The following FAM227B variants were observed in gnomAD, a reference collection of about 807,000 sequenced individuals.
FAM227B encodes the protein family with sequence similarity 227 member B.
In FAM227B, 88 loss-of-function variants were observed where a neutral mutation model predicts 73.8. That is an observed-to-expected ratio of 1.19 (90% CI 1.00 to 1.42). FAM227B has a LOEUF of 1.42. Ranked by LOEUF, FAM227B falls within the 40% of genes most tolerant of loss-of-function variation. The pLI, the probability that FAM227B is intolerant of heterozygous loss-of-function variation, is 0.00. For synonymous variants in FAM227B, 210 were observed against 190.5 expected (o/e 1.10, Z -0.84); for missense variants, 632 against 590.9 (o/e 1.07, Z -0.72).
Position 49,328,130 on chromosome 15 carries a change from G to A in FAM227B, c.*438C>T. On this transcript the variant is annotated 3_prime_UTR_variant, in exon 16 of 16. Transcript: ENST00000299338. Reference sequence around the variant, plus strand: ...AAGTTTGTTTGCTACCAAACCTGGAGGTGGGGCTTTGGTTTTGCTTGAGGC... The same window carrying A: ...AAGTTTGTTTGCTACCAAACCTGGAAGTGGGGCTTTGGTTTTGCTTGAGGC... 1.2e-6 allele frequency: 2 copies of A among 1,614,070 alleles called. No individual in the cohort carries two copies. The highest frequency in any genetic ancestry group is 1.7e-6 in the Non-Finnish European group (2 of 1,179,972).
rs1356031264 is a variant in FAM227B, at chr15:49,575,008, T to C, written c.645+3A>G. On this transcript the variant is annotated splice_donor_region_variant and intron_variant, in intron 8 of 15. Coordinates refer to ENST00000299338, the MANE Select transcript of FAM227B (RefSeq NM_152647.3). ...AAAAATAAATTTTTAAAAATCACTA[T>C]ACCCTAAATTTATGGAGAAACCACC... is the stretch of plus-strand genomic sequence containing the variant. 1 of 1,532,010 alleles carries C rather than the reference T, an allele frequency of 6.5e-7. No homozygotes were observed. Among genetic ancestry groups the C allele is most frequent in the Admixed American group, 1.9e-5 (1 of 51,932 alleles). The allele number at this position is 1,532,010 out of a possible 1,614,324, so 94.9% of individuals were successfully genotyped here.
At chr15:49,469,760 C>T (rs2054571147) in intron 11 of FAM227B, among the ~76,000 whole-genome samples, 1 of 151,990 alleles carries the variant, frequency 6.6e-6, no homozygotes, top group Non-Finnish European at 1.5e-5. Flanking sequence ...CTAAGTTATG[C>T]CTTTAAAAGT....
At chr15:49,606,084 C>G (rs2221608) in intron 3 of FAM227B, 1 of 152,266 alleles carries the variant, frequency 6.6e-6, no homozygotes, top group African/African-American at 2.4e-5. Flanking sequence ...TTCCTAACCT[C>G]TTCAAGGTAT....
rs149665358 is a variant in FAM227B, at chr15:49,589,935, C to G, written c.178G>C (p.Asp60His). ...GTATAAATTGAAACAAATGAACTAT[C>G]TTCTTTTATTTTTTTCAGAGTGCAT... ...WSCTLKKIKEDSSFVSIYTHL... is the reference protein window; with the variant it reads ...WSCTLKKIKEHSSFVSIYTHL... Residue 60 changes from aspartate to histidine, a missense_variant, in exon 4 of 16, where the codon GAT (aspartate) becomes CAT (histidine). By Grantham distance (81) the Asp-to-His change is moderately conservative. Transcript: ENST00000299338. The G allele has an allele frequency of 1.7e-5, 28 of 1,606,478 alleles. No homozygotes were observed. The highest frequency in any genetic ancestry group is 3.3e-4 in the Middle Eastern group (2 of 6,052).
At chr15:49,422,405 T>G (rs1166336525) in intron 11 of FAM227B, 1 of 500,592 alleles carries the variant, frequency 2.0e-6, no homozygotes, top group East Asian at 4.9e-5. Flanking sequence ...TATAATTCCA[T>G]CTCTAAATTA....
At position 49,335,413 on chromosome 15, in the gene FAM227B, A is replaced by G. The variant is rs769228649; in HGVS notation, c.1349+6T>C. On this transcript the variant is annotated splice_donor_region_variant and intron_variant, in intron 14 of 15. Coordinates refer to ENST00000299338, the MANE Select transcript of FAM227B (RefSeq NM_152647.3). The stretch of plus-strand genomic sequence containing the variant: ...TATATTTAACAATAGTATAGCATCA[A>G]CTTACATCCTAAAATCCTTTTGGTT... 4.4e-6 allele frequency: 7 copies of G among 1,581,634 alleles called. No individual in the cohort carries two copies. The highest frequency in any genetic ancestry group is 1.7e-5 in the Admixed American group (1 of 59,976).
chr15:49,599,824 A>G (rs1280629142), intron 3 of FAM227B, among the ~76,000 whole-genome samples: 2 of 152,200 alleles, frequency 1.3e-5, no homozygotes, highest in African/African-American at 4.8e-5. Context: ...TTTGTGGCCC[A>G]ATATATAATC....
chr15:49,603,747 G>C (rs2077347188), intron 3 of FAM227B, among the ~76,000 whole-genome samples: 1 of 152,152 alleles, frequency 6.6e-6, no homozygotes, highest in Non-Finnish European at 1.5e-5. Flanking sequence ...TTACAGGAAA[G>C]GCATTCAGCT....
At chr15:49,539,424 G>A (rs573316501) in intron 10 of FAM227B, among the ~76,000 whole-genome samples, 4 of 152,332 alleles carry the variant, frequency 2.6e-5, no homozygotes, top group African/African-American at 9.6e-5. Context: ...AGTGTCTGAT[G>A]TTCAGTGCCC....
chr15:49,363,671 G>A (rs1366191480), intron 13 of FAM227B, among the ~76,000 whole-genome samples: 2 of 152,172 alleles, frequency 1.3e-5, no homozygotes. Flanking sequence ...TTGAATAGGA[G>A]TGTTGAGAGT....
intron 10 of FAM227B, among the ~76,000 whole-genome samples, chr15:49,522,666 AC>A (rs2059872728): frequency 6.6e-6 from 1 of 152,098 alleles, no homozygotes; most frequent in East Asian, 1.9e-4. Flanking sequence ...AATAGACTAG[AC>A]CAAGTAGAAG....
At chr15:49,404,821 G>A (rs1009228775) in intron 11 of FAM227B, among the ~76,000 whole-genome samples, 10 of 151,606 alleles carry the variant, frequency 6.6e-5, no homozygotes, top group African/African-American at 1.5e-4. Flanking sequence ...TAGCTGGTTC[G>A]TATGGGCGCT....
chr15:49,429,462 C>T (rs765870193), intron 11 of FAM227B, among the ~76,000 whole-genome samples: 5 of 151,946 alleles, frequency 3.3e-5, no homozygotes, highest in Non-Finnish European at 7.4e-5. Context: ...CATCTCTTTT[C>T]TCTTTTGTAA....
At chr15:49,525,707 T>TACATAC (rs1567487423) in intron 10 of FAM227B, among the ~76,000 whole-genome samples, 3 of 82,480 alleles carry the variant, frequency 3.6e-5, no homozygotes, top group African/African-American at 1.2e-4. Context: ...TATATATATA[T>TACATAC]ATATATATAT....
intron 11 of FAM227B, among the ~76,000 whole-genome samples, chr15:49,442,245 A>C (rs528115004): frequency 3.3e-5 from 5 of 151,682 alleles, no homozygotes; most frequent in Non-Finnish European, 7.4e-5. Context: ...CCTAGACTAT[A>C]AACATCCATA....
chr15:49,329,793 A>T, intron 15 of FAM227B: 1 of 927,282 alleles, frequency 1.1e-6, no homozygotes, highest in East Asian at 1.2e-4. Context: ...CTTTAAAGAT[A>T]CCTGGATCAG....
intron 11 of FAM227B, among the ~76,000 whole-genome samples, chr15:49,451,587 T>C (rs2052747407): frequency 6.6e-6 from 1 of 152,102 alleles, no homozygotes; most frequent in South Asian, 2.1e-4. Context: ...CCTCTTCAAT[T>C]CACCTTTAAA....
intron 10 of FAM227B, among the ~76,000 whole-genome samples, chr15:49,528,997 C>T (rs2060412227): frequency 2.0e-5 from 3 of 151,638 alleles, no homozygotes; most frequent in Admixed American, 1.3e-4. Context: ...GAAAGCAAAT[C>T]ACTATACAAA....
At chr15:49,545,606 G>A (rs1264342732) in intron 9 of FAM227B, among the ~76,000 whole-genome samples, 1 of 151,908 alleles carries the variant, frequency 6.6e-6, no homozygotes, top group African/African-American at 2.4e-5. Context: ...TGCTTTTTTA[G>A]GCTTTTTGAT....
Sources: gnomAD v4.1 joint callset for allele counts (sites outside exome capture counted in the v4.1 genomes callset) on GRCh38, gnomAD v4.1.1 for gene constraint, MANE v1.5 for transcripts, NCBI Gene and HGNC (gene_info 2026-07-23, HGNC 2026-07-21) for gene names.